The following EFNA5 variants were observed in gnomAD, a reference collection of about 807,000 sequenced individuals.
EFNA5 encodes ephrin-A5.
Under a neutral mutation model 22.9 loss-of-function variants are expected in EFNA5, and 5 were observed. That is an observed-to-expected ratio of 0.22 (90% CI 0.11 to 0.46). The LOEUF is 0.46. Ranked by LOEUF, EFNA5 falls within the 20% of genes least tolerant of loss-of-function variation. The probability of loss-of-function intolerance (pLI) is 0.99; values close to 1 mark genes in which losing one functional copy is unlikely to be tolerated. For synonymous variants in EFNA5, 113 were observed against 112.2 expected, an observed-to-expected ratio of 1.01 and a Z score of -0.04; for missense variants, 237 against 293.3, an observed-to-expected ratio of 0.81 and a Z score of 1.40.
At chr5:107,600,447 A>G (rs1459395380) in intron 1 of EFNA5, among the ~76,000 whole-genome samples, 1 of 152,174 alleles carries the variant, frequency 6.6e-6, no homozygotes. Context: ...AGAGGCCAGC[A>G]ATAAACTGAA....
chr5:107,448,870 T>A (rs528696985), intron 1 of EFNA5, among the ~76,000 whole-genome samples: 2 of 113,056 alleles, frequency 1.8e-5, no homozygotes, highest in South Asian at 3.1e-4. Flanking sequence ...AATAAATAAA[T>A]AAAATAAAAT....
chr5:107,649,705 T>C lies in EFNA5; in HGVS notation c.125+20784A>G, dbSNP rs547399854. On this transcript the variant is annotated intron_variant, in intron 1 of 4. Transcript: ENST00000333274. Reference sequence around the variant, plus strand: ...TTTGACATATCTCTGTATAATTATATGGTATTTTTATATAATAATACAGAA... The same window carrying C: ...TTTGACATATCTCTGTATAATTATACGGTATTTTTATATAATAATACAGAA... Among the ~76,000 whole-genome samples the C allele has an allele frequency of 2.6e-5, 4 of 152,316 alleles. No individual in the cohort carries two copies. In the South Asian group the frequency reaches 6.2e-4, roughly 24 times the overall value.
At chr5:107,591,915 A>T (rs1207180957) in intron 1 of EFNA5, among the ~76,000 whole-genome samples, 552 of 7,834 alleles carry the variant, frequency 0.07, 40 homozygotes, top group Non-Finnish European at 0.076. Flanking sequence ...TAATATAAAA[A>T]ATATATATAT....
chr5:107,564,631 GTTTTTTTTT>G lies in EFNA5; in HGVS notation c.125+105849_125+105857del, dbSNP rs34585445. Among the ~76,000 whole-genome samples the G allele has an allele frequency of 2.5e-4, 29 of 115,036 alleles. 1 individual carries two copies. In the South Asian group the frequency reaches 6.1e-3, roughly 24 times the overall value. 75.5% of individuals were successfully genotyped at this position (115,036 alleles called of 152,430 possible). A position where few individuals can be genotyped will look rare whatever the true frequency, so the allele number is the denominator to read the frequency against. ...TTATTTTGTTTTTGTTTGGGTTTTT[GTTTTTTTTT>G]TTTTTTTTTTTGATCCTAACAGCCC... On this transcript the variant is annotated intron_variant, in intron 1 of 4. Transcript: ENST00000333274.
intron 2 of EFNA5, among the ~76,000 whole-genome samples, chr5:107,411,527 G>A (rs1271667434): frequency 6.6e-6 from 1 of 152,240 alleles, no homozygotes; most frequent in East Asian, 1.9e-4. Context: ...GAATGGCTGA[G>A]TCTTGATGAA....
chr5:107,523,115 C>T (rs1747628838), intron 1 of EFNA5, among the ~76,000 whole-genome samples: 2 of 152,178 alleles, frequency 1.3e-5, no homozygotes, highest in African/African-American at 4.8e-5. Context: ...TTTTAACCAA[C>T]TATGGCCAAT....
At chr5:107,469,095 G>A (rs1309992701) in intron 1 of EFNA5, among the ~76,000 whole-genome samples, 1 of 152,096 alleles carries the variant, frequency 6.6e-6, no homozygotes, top group Non-Finnish European at 1.5e-5. Context: ...TAAAAATGTG[G>A]GGCCCCTTGT....
At chr5:107,447,835 AT>A (rs371389437) in intron 1 of EFNA5, among the ~76,000 whole-genome samples, 2,759 of 147,486 alleles carry the variant, frequency 0.019, 31 homozygotes, top group African/African-American at 0.025. Context: ...AGAACAAGGG[AT>A]TTTTTTTTTT....
chr5:107,613,406 C>T (rs1749859894), intron 1 of EFNA5, among the ~76,000 whole-genome samples: 2 of 151,986 alleles, frequency 1.3e-5, no homozygotes, highest in African/African-American at 4.8e-5. Flanking sequence ...AAACAATCTT[C>T]AAGATGTTTT....
intron 1 of EFNA5, among the ~76,000 whole-genome samples, chr5:107,549,425 A>T (rs1302767327): frequency 6.6e-6 from 1 of 152,234 alleles, no homozygotes; most frequent in Admixed American, 6.5e-5. Context: ...ACAGGTAAGG[A>T]AGTGGATGCT....
chr5:107,397,316 C>T (rs145547662), intron 2 of EFNA5, among the ~76,000 whole-genome samples: 2,595 of 151,972 alleles, frequency 0.017, 61 homozygotes, highest in African/African-American at 0.059. Context: ...TTTGGGAGGC[C>T]GAGGCAGGTG....
intron 1 of EFNA5, among the ~76,000 whole-genome samples, chr5:107,551,586 C>A (rs927401854): frequency 6.6e-6 from 1 of 152,054 alleles, no homozygotes; most frequent in Non-Finnish European, 1.5e-5. Flanking sequence ...TGCCTGGAGT[C>A]CAGATTGAGG....
intron 1 of EFNA5, among the ~76,000 whole-genome samples, chr5:107,519,427 A>G (rs1398270203): frequency 6.6e-6 from 1 of 152,232 alleles, no homozygotes; most frequent in African/African-American, 2.4e-5. Flanking sequence ...TGACAAGGTC[A>G]CACCAGGTTT....
intron 1 of EFNA5, among the ~76,000 whole-genome samples, chr5:107,428,611 T>G (rs1488996138): frequency 6.6e-6 from 1 of 152,238 alleles, no homozygotes; most frequent in Non-Finnish European, 1.5e-5. Flanking sequence ...ACAAAACTCC[T>G]TTGTTTTTAG....
At chr5:107,559,911 GA>G (rs1394824437) in intron 1 of EFNA5, among the ~76,000 whole-genome samples, 1 of 152,142 alleles carries the variant, frequency 6.6e-6, no homozygotes, top group Non-Finnish European at 1.5e-5. Flanking sequence ...AATATACTTT[GA>G]AACAAGGATT....
At chr5:107,624,703 T>C (rs1750110697) in intron 1 of EFNA5, among the ~76,000 whole-genome samples, 1 of 152,092 alleles carries the variant, frequency 6.6e-6, no homozygotes, top group African/African-American at 2.4e-5. Flanking sequence ...ATTTTGAAAA[T>C]GAACCCATCA....
At chr5:107,578,753 G>T (rs954507369) in intron 1 of EFNA5, among the ~76,000 whole-genome samples, 4 of 152,018 alleles carry the variant, frequency 2.6e-5, no homozygotes, top group Non-Finnish European at 5.9e-5. Context: ...AATTCTTTTT[G>T]CAGTAAAAAG....
intron 2 of EFNA5, among the ~76,000 whole-genome samples, chr5:107,404,530 G>A (rs564136601): frequency 6.6e-6 from 1 of 152,096 alleles, no homozygotes; most frequent in Non-Finnish European, 1.5e-5. Context: ...ACTGTGCCAG[G>A]TTTATTAAGT....
chr5:107,478,705 A>C (rs1295740711), intron 1 of EFNA5, among the ~76,000 whole-genome samples: 2 of 152,224 alleles, frequency 1.3e-5, no homozygotes, highest in Non-Finnish European at 2.9e-5. Context: ...GGTCTTAATA[A>C]ATAGGACAAG....
Sources: gnomAD v4.1 joint callset for allele counts (sites outside exome capture counted in the v4.1 genomes callset) on GRCh38, gnomAD v4.1.1 for gene constraint, MANE v1.5 for transcripts, NCBI Gene and HGNC (gene_info 2026-07-23, HGNC 2026-07-21) for gene names.